Variants in CHN1 observed in about 807,000 individuals in gnomAD.
CHN1 encodes the protein chimerin 1.
In CHN1, 37 loss-of-function variants were observed where a neutral mutation model predicts 59.5. The observed-to-expected ratio is 0.62, with a 90% confidence interval of 0.48 to 0.82. The LOEUF is 0.82. CHN1 is among the 40% of genes least tolerant of loss of function. The probability of loss-of-function intolerance (pLI) is 0.00; values close to 1 mark genes in which losing one functional copy is unlikely to be tolerated. For synonymous variants in CHN1, 206 were observed against 200.4 expected (o/e 1.03, Z -0.24); for missense variants, 469 against 571.0 (o/e 0.82, Z 1.82).
chr2:174,953,359 G>T (rs1690086852), intron 1 of CHN1, among the ~76,000 whole-genome samples: 1 of 152,132 alleles, frequency 6.6e-6, no homozygotes, highest in South Asian at 2.1e-4. Context: ...ACTGCTAATA[G>T]TGGGCATAAG....
chr2:174,930,369 C>A (rs1295815980), intron 3 of CHN1, among the ~76,000 whole-genome samples: 2 of 152,222 alleles, frequency 1.3e-5, no homozygotes, highest in African/African-American at 4.8e-5. Context: ...CTTGCACATG[C>A]AACCAGCAGG....
chr2:174,843,722 G>C (rs1177746698), intron 7 of CHN1, among the ~76,000 whole-genome samples: 6 of 151,732 alleles, frequency 4.0e-5, no homozygotes, highest in African/African-American at 1.2e-4. Context: ...ACCCACTTAG[G>C]GGTATTTGTA....
At position 174,812,193 on chromosome 2, in the gene CHN1, A is replaced by G. The variant is rs189879242; in HGVS notation, c.886+116T>C. On this transcript the variant is annotated intron_variant, in intron 9 of 12. Coordinates refer to ENST00000409900, the MANE Select transcript of CHN1 (RefSeq NM_001822.7). ...TTGAGATCATTTGACATATGAAACC[A>G]TTCCCCTCCAAATTACAGAAGACAA... The G allele has an allele frequency of 3.2e-4, 238 of 735,194 alleles. 1 individual carries two copies. Among genetic ancestry groups the G allele is most frequent in the Middle Eastern group, 1.3e-3 (3 of 2,378 alleles). 45.5% of individuals were successfully genotyped at this position (735,194 alleles called of 1,614,324 possible).
At chr2:174,843,168 G>T (rs1331078873) in intron 7 of CHN1, among the ~76,000 whole-genome samples, 6 of 152,168 alleles carry the variant, frequency 3.9e-5, no homozygotes, top group Non-Finnish European at 5.9e-5. Flanking sequence ...AATTTGAAAA[G>T]AGTAAAATAA....
chr2:174,938,041 A>T (rs966898421), intron 3 of CHN1, among the ~76,000 whole-genome samples: 30 of 152,154 alleles, frequency 2.0e-4, no homozygotes, highest in African/African-American at 5.8e-4. Context: ...TTAAAAAAAA[A>T]TTTTTTTAAG....
intron 1 of CHN1, among the ~76,000 whole-genome samples, chr2:174,988,329 C>T (rs201362528): frequency 5.3e-5 from 8 of 149,662 alleles, no homozygotes; most frequent in East Asian, 2.0e-4. Context: ...TGCACTCCAG[C>T]CTGGGCAACA....
intron 1 of CHN1, among the ~76,000 whole-genome samples, chr2:174,992,340 G>A (rs3771922): frequency 1.8e-4 from 27 of 152,262 alleles, no homozygotes; most frequent in Middle Eastern, 3.4e-3. Context: ...TCATTCACAC[G>A]GTGTTCACTG....
intron 6 of CHN1, among the ~76,000 whole-genome samples, chr2:174,853,658 A>C (rs930628267): frequency 3.8e-4 from 58 of 152,198 alleles, no homozygotes; most frequent in African/African-American, 1.4e-3. Flanking sequence ...CATGTTCATC[A>C]CAACACTATT....
intron 3 of CHN1, among the ~76,000 whole-genome samples, chr2:174,921,432 C>T (rs1407163670): frequency 6.6e-6 from 1 of 152,072 alleles, no homozygotes; most frequent in East Asian, 1.9e-4. Context: ...TTGGAGTTTT[C>T]CTTTCAACCG....
At chr2:174,954,140 ATACT>A (rs1398615705) in intron 1 of CHN1, among the ~76,000 whole-genome samples, 1 of 152,196 alleles carries the variant, frequency 6.6e-6, no homozygotes, top group Non-Finnish European at 1.5e-5. Context: ...ATAAAGCCAA[ATACT>A]TACAGCCAAC....
rs368924969 is a variant in CHN1 at position 174,811,289 on chromosome 2, T to C, written c.964+222A>G. On this transcript the variant is annotated intron_variant, in intron 10 of 12. Coordinates refer to ENST00000409900, the MANE Select transcript of CHN1 (RefSeq NM_001822.7). ...GGACCAGCCTTGGATACTCAAATAT[T>C]GGTAACATAGTTTAATTTTATACTT... is the stretch of plus-strand genomic sequence containing the variant. 16 of 453,390 alleles carry C rather than the reference T, an allele frequency of 3.5e-5. No individual in the cohort carries two copies. In the East Asian group the frequency reaches 6.0e-4, roughly 17 times the overall value. The allele number at this position is 453,390 out of a possible 1,614,324, so 28.1% of individuals were successfully genotyped here.
intron 5 of CHN1, among the ~76,000 whole-genome samples, chr2:174,912,614 G>C: frequency 6.6e-6 from 1 of 152,296 alleles, no homozygotes; most frequent in South Asian, 2.1e-4. Flanking sequence ...AATGGATTAC[G>C]TGTATGTTAA....
Position 174,872,779 on chromosome 2 carries a change from A to G in CHN1, c.549+5061T>C, listed in dbSNP as rs1275240900. Among the ~76,000 whole-genome samples, 4 of 152,146 alleles carry G rather than the reference A, an allele frequency of 2.6e-5. No homozygotes were observed. The East Asian group carries it at 5.8e-4, about 22-fold the overall frequency. ...AATCTGAACATGCTATTCCTAGCAA[A>G]AGCTAGGGGGACAGTACTAAGACCC... is the stretch of plus-strand genomic sequence containing the variant. On this transcript the variant is annotated intron_variant, in intron 6 of 12. Transcript: ENST00000409900.
rs148902191 is a variant in CHN1 at position 174,983,898 on chromosome 2, T to C, written c.19+20996A>G. On this transcript the variant is annotated intron_variant, in intron 1 of 12. Coordinates refer to ENST00000409900, the MANE Select transcript of CHN1 (RefSeq NM_001822.7). ...CCAACTGAAAAGACAAATCCTTTCA[T>C]TGACAACTGCATACATGTCTACATT... Among the ~76,000 whole-genome samples the C allele has an allele frequency of 3.7e-3, 570 of 152,270 alleles. 4 individuals are homozygous for C. Among genetic ancestry groups the C allele is most frequent in the African/African-American group, 0.013 (546 of 41,546 alleles).
chr2:174,820,564 G>C (rs778494679), intron 8 of CHN1, among the ~76,000 whole-genome samples: 7 of 152,198 alleles, frequency 4.6e-5, no homozygotes, highest in Non-Finnish European at 8.8e-5. Flanking sequence ...GCTAGAGGAA[G>C]GGTGACTTTG....
At chr2:174,895,049 G>GCACACA (rs751627983) in intron 5 of CHN1, among the ~76,000 whole-genome samples, 2 of 129,236 alleles carry the variant, frequency 1.5e-5, no homozygotes, top group Non-Finnish European at 3.1e-5. Flanking sequence ...ACACACGCGC[G>GCACACA]CACACACACA....
chr2:174,807,513 T>TGTGTGTGTGTGTGTGTGTGTG (rs58430205), intron 11 of CHN1, among the ~76,000 whole-genome samples: 3 of 141,684 alleles, frequency 2.1e-5, no homozygotes, highest in East Asian at 2.1e-4. Flanking sequence ...TGTGTGTGTG[T>TGTGTGTGTGTGTGTGTGTGTG]TGCTTTCTAG....
At chr2:174,842,246 G>C (rs1197853934) in intron 7 of CHN1, among the ~76,000 whole-genome samples, 2 of 152,186 alleles carry the variant, frequency 1.3e-5, no homozygotes, top group Non-Finnish European at 2.9e-5. Context: ...GAGGCAAGGT[G>C]GTGGTGTGAG....
intron 6 of CHN1, among the ~76,000 whole-genome samples, chr2:174,850,089 A>G (rs533687438): frequency 6.6e-6 from 1 of 152,334 alleles, no homozygotes; most frequent in African/African-American, 2.4e-5. Flanking sequence ...TCAAGGCTCA[A>G]TTCAAACACC....
Sources: allele counts gnomAD v4.1 joint callset (sites outside exome capture counted in the v4.1 genomes callset), GRCh38; gene constraint gnomAD v4.1.1; transcripts MANE v1.5; gene names NCBI Gene and HGNC (gene_info 2026-07-23, HGNC 2026-07-21).